The following EYS variants were observed in gnomAD, a reference collection of about 807,000 sequenced individuals.
The protein encoded by EYS is protein eyes shut homolog.
EYS carries 250 observed loss-of-function variants against 282.1 expected under a neutral mutation model. The observed-to-expected ratio is 0.89, with a 90% confidence interval of 0.80 to 0.98. The LOEUF (loss-of-function observed/expected upper bound fraction) is 0.98. Ranked by LOEUF, EYS falls within the 50% of genes least tolerant of loss-of-function variation. The pLI is 0.00. For missense variants in EYS, 4,016 were observed against 3,709.0 expected, an observed-to-expected ratio of 1.08 and a Z score of -2.15; for synonymous variants, 1,355 against 1,282.9, an observed-to-expected ratio of 1.06 and a Z score of -1.20.
chr6:64,281,295 A>C (rs2150361667), intron 30 of EYS, among the ~76,000 whole-genome samples: 1 of 152,200 alleles, frequency 6.6e-6, no homozygotes, highest in Middle Eastern at 3.4e-3. Context: ...AAAGTGAGTG[A>C]CCACTTGTAT....
chr6:63,987,137 G>A (rs934272119), intron 34 of EYS, among the ~76,000 whole-genome samples: 3 of 151,658 alleles, frequency 2.0e-5, no homozygotes, highest in Non-Finnish European at 4.4e-5. Flanking sequence ...ATTGTCTTTG[G>A]AAATCCTTTA....
rs568232231 is a variant in EYS, at chr6:64,985,187, G to A, written c.2259+12395C>T. Among the ~76,000 whole-genome samples, 5 of 151,638 alleles carry A rather than the reference G, an allele frequency of 3.3e-5. 1 individual carries two copies. Among genetic ancestry groups the A allele is most frequent in the African/African-American group, 1.2e-4 (5 of 41,456 alleles). On this transcript the variant is annotated intron_variant, in intron 14 of 42. Coordinates refer to ENST00000503581, the MANE Select transcript of EYS (RefSeq NM_001142800.2). ...GCAGATGCCACTGAAGACCATCCTT[G>A]TCAAAATATTTCCACAAGCCTGCGA... is the stretch of plus-strand genomic sequence containing the variant.
chr6:64,515,815 C>T (rs1224216761), intron 26 of EYS, among the ~76,000 whole-genome samples: 6 of 151,466 alleles, frequency 4.0e-5, no homozygotes, highest in African/African-American at 1.5e-4. Flanking sequence ...AAAACCTTAA[C>T]TCTGGCTGTA....
At chr6:65,590,381 T>C (rs1765190127) in intron 2 of EYS, among the ~76,000 whole-genome samples, 1 of 152,080 alleles carries the variant, frequency 6.6e-6, no homozygotes. Context: ...TACATATTTA[T>C]GGGATACAGT....
chr6:64,946,371 A>C (rs1411586887), intron 14 of EYS, among the ~76,000 whole-genome samples: 1 of 152,048 alleles, frequency 6.6e-6, no homozygotes, highest in Non-Finnish European at 1.5e-5. Context: ...ATAAATTAAC[A>C]GACTTTTGGT....
chr6:65,540,133 A>G (rs965436677), intron 2 of EYS, among the ~76,000 whole-genome samples: 16 of 152,246 alleles, frequency 1.1e-4, no homozygotes, highest in African/African-American at 3.9e-4. Flanking sequence ...CAGAAGGGAC[A>G]TAAGAGAAGA....
At chr6:64,749,910 C>T (rs1314951878) in intron 22 of EYS, among the ~76,000 whole-genome samples, 3 of 151,758 alleles carry the variant, frequency 2.0e-5, no homozygotes, top group Non-Finnish European at 2.9e-5. Flanking sequence ...TTTAATATTG[C>T]TAATAATAGA....
chr6:65,385,930 T>C (rs185357925), intron 7 of EYS, among the ~76,000 whole-genome samples: 2 of 152,002 alleles, frequency 1.3e-5, no homozygotes, highest in East Asian at 3.9e-4. Flanking sequence ...AGCTTTAGCA[T>C]ATCCTAAAAG....
intron 22 of EYS, among the ~76,000 whole-genome samples, chr6:64,700,566 G>A (rs1372469203): frequency 1.3e-5 from 2 of 151,934 alleles, no homozygotes; most frequent in African/African-American, 2.4e-5. Context: ...AATATCAGTA[G>A]CCTTTCTATA....
intron 22 of EYS, among the ~76,000 whole-genome samples, chr6:64,792,857 C>CGTGTGTGT (rs61516922): frequency 6.7e-6 from 1 of 148,424 alleles, no homozygotes; most frequent in South Asian, 2.2e-4. Context: ...GATCTTGACA[C>CGTGTGTGT]GTGTGTGTGT....
chr6:64,358,612 T>A (rs1212195487), intron 29 of EYS, among the ~76,000 whole-genome samples: 2 of 151,648 alleles, frequency 1.3e-5, no homozygotes, highest in Non-Finnish European at 3.0e-5. Context: ...CTATTGGAAG[T>A]TGGCTCTCTT....
chr6:65,550,161 T>C (rs1768562162), intron 2 of EYS, among the ~76,000 whole-genome samples: 2 of 8,968 alleles, frequency 2.2e-4, no homozygotes, highest in African/African-American at 3.0e-3. Flanking sequence ...TTTTTTTTTT[T>C]TTTTTTTTTT....
At position 64,822,624 on chromosome 6, in the gene EYS, A is replaced by G. The variant is rs1368920469; in HGVS notation, c.3164+27T>C. The stretch of plus-strand genomic sequence containing the variant: ...TATTGTGAGTTAAATATACTTTCAT[A>G]AAGCTAATAATAAAAAAAATAGCTA... On this transcript the variant is annotated intron_variant, in intron 20 of 42. Transcript: ENST00000503581. The G allele has an allele frequency of 1.7e-5, 26 of 1,487,506 alleles. No homozygotes were observed. In the Admixed American group the frequency reaches 6.5e-4, roughly 37 times the overall value. The allele number at this position is 1,487,506 out of a possible 1,614,324, so 92.1% of individuals were successfully genotyped here.
intron 30 of EYS, among the ~76,000 whole-genome samples, chr6:64,250,329 A>T (rs1310818791): frequency 6.6e-6 from 1 of 152,224 alleles, no homozygotes; most frequent in Non-Finnish European, 1.5e-5. Context: ...CAGTTGGGTC[A>T]TAAAATCACA....
At chr6:64,627,815 C>T (rs1281784320) in intron 22 of EYS, among the ~76,000 whole-genome samples, 1 of 152,178 alleles carries the variant, frequency 6.6e-6, no homozygotes, top group Non-Finnish European at 1.5e-5. Flanking sequence ...GGCGGTGGCT[C>T]ACGCCTGTAA....
intron 12 of EYS, among the ~76,000 whole-genome samples, chr6:65,176,540 C>T (rs1171361172): frequency 1.3e-5 from 2 of 151,308 alleles, no homozygotes; most frequent in African/African-American, 4.8e-5. Flanking sequence ...GAAATAATAA[C>T]TTTCTATATA....
chr6:65,267,442 C>T (rs1002448986), intron 12 of EYS, among the ~76,000 whole-genome samples: 9 of 151,836 alleles, frequency 5.9e-5, no homozygotes, highest in Admixed American at 6.6e-5. Flanking sequence ...ATATTTAATT[C>T]GTCATAGTAC....
intron 31 of EYS, among the ~76,000 whole-genome samples, chr6:64,151,091 G>C (rs918722979): frequency 3.3e-5 from 5 of 151,296 alleles, no homozygotes; most frequent in African/African-American, 1.2e-4. Context: ...ATATTTTTGT[G>C]TAATCATATT....
intron 8 of EYS, among the ~76,000 whole-genome samples, chr6:65,374,463 C>T (rs1765279691): frequency 6.6e-6 from 1 of 151,020 alleles, no homozygotes; most frequent in South Asian, 2.1e-4. Context: ...AAGCACAAAA[C>T]TGGGAGGCTG....
Sources: gnomAD v4.1 joint callset for allele counts (sites outside exome capture counted in the v4.1 genomes callset) on GRCh38, gnomAD v4.1.1 for gene constraint, MANE v1.5 for transcripts, NCBI Gene and HGNC (gene_info 2026-07-23, HGNC 2026-07-21) for gene names.